TMC1: variants seen among roughly 807,000 people sequenced by gnomAD.
TMC1 encodes transmembrane channel-like protein 1.
Under a neutral mutation model 105.8 loss-of-function variants are expected in TMC1, and 84 were observed. The ratio of observed to expected loss-of-function variants is 0.79; its 90% CI spans 0.67 to 0.95. The LOEUF (loss-of-function observed/expected upper bound fraction) is 0.95. Ranked by LOEUF, TMC1 falls within the 40% of genes least tolerant of loss-of-function variation. The pLI is 0.00. For synonymous variants in TMC1, 315 were observed against 311.5 expected (o/e 1.01, Z -0.12); for missense variants, 817 against 914.1 (o/e 0.89, Z 1.37).
intron 10 of TMC1, among the ~76,000 whole-genome samples, chr9:72,745,400 A>T (rs1214864149): frequency 2.0e-5 from 3 of 152,126 alleles, no homozygotes; most frequent in African/African-American, 7.2e-5. Flanking sequence ...TTCTTTTTAA[A>T]TATGTTTTGC....
chr9:72,617,235 C>T lies in TMC1; in HGVS notation c.-196+758C>T, dbSNP rs141797843. Reference sequence around the variant, plus strand: ...GGAGTGCAGGGGTGCTATCTCGGCTCACTGAAACCTCTGCCTCCTGGGTTT... The same window carrying T: ...GGAGTGCAGGGGTGCTATCTCGGCTTACTGAAACCTCTGCCTCCTGGGTTT... On this transcript the variant is annotated intron_variant, in intron 3 of 23. Transcript: ENST00000297784. Among the ~76,000 whole-genome samples, 889 of 152,124 alleles carry T rather than the reference C, an allele frequency of 5.8e-3. 4 individuals are homozygous for T. Among genetic ancestry groups the T allele is most frequent in the Non-Finnish European group, 9.1e-3 (620 of 67,994 alleles).
At chr9:72,834,356 C>T (rs1389233930) in intron 23 of TMC1, among the ~76,000 whole-genome samples, 2 of 151,992 alleles carry the variant, frequency 1.3e-5, no homozygotes, top group Admixed American at 6.5e-5. Flanking sequence ...TTGGTAATTC[C>T]CCTGCTTTGT....
intron 19 of TMC1, 92 bp downstream of exon 19, chr9:72,816,302 A>G (rs762559954): frequency 4.0e-6 from 5 of 1,243,450 alleles, no homozygotes; most frequent in Non-Finnish European, 5.9e-6. Context: ...AGAGGAGAAT[A>G]CAATCGGTGT....
In TMC1 at chr9:72,694,630, A is replaced by G. The variant is rs1292549270; in HGVS notation, c.152A>G (p.Glu51Gly). 6.2e-7 allele frequency: 1 copy of G among 1,613,110 alleles called. No homozygotes were observed. The highest frequency in any genetic ancestry group is 2.2e-5 in the East Asian group (1 of 44,710). The change falls in exon 7 of 24, where the codon GAG (glutamate) becomes GGG (glycine). Residue 51 changes from glutamate to glycine, a missense_variant. Transcript: ENST00000297784. ...AAACGGACCAGAGATGTTATCAATG[A>G]GGATGACCCAGAACCTGAACCAGAG... ...KRKRTRDVIN[E>G]DDPEPEPEDE... is the part of the protein sequence containing the mutation.
chr9:72,562,118 C>T (rs961330250), intron 1 of TMC1, among the ~76,000 whole-genome samples: 5 of 152,298 alleles, frequency 3.3e-5, no homozygotes, highest in South Asian at 2.1e-4. Context: ...TTTAAACATA[C>T]GTAGTTACCA....
At chr9:72,714,836 G>T (rs2117923023) in intron 8 of TMC1, among the ~76,000 whole-genome samples, 1 of 152,318 alleles carries the variant, frequency 6.6e-6, no homozygotes, top group East Asian at 1.9e-4. Context: ...TTGCTCATTA[G>T]TTGATGCGAT....
At chr9:72,661,691 A>G (rs1825971952) in intron 5 of TMC1, among the ~76,000 whole-genome samples, 1 of 152,206 alleles carries the variant, frequency 6.6e-6, no homozygotes, top group African/African-American at 2.4e-5. Context: ...TTTCTAGACT[A>G]AATATTGAAA....
At chr9:72,703,193 CT>C (rs1826675353) in intron 8 of TMC1, among the ~76,000 whole-genome samples, 2 of 151,902 alleles carry the variant, frequency 1.3e-5, no homozygotes, top group Admixed American at 1.3e-4. Context: ...GTGGTGCTAT[CT>C]TAGCTCACTG....
chr9:72,664,021 C>T (rs755571065), intron 5 of TMC1, among the ~76,000 whole-genome samples: 30 of 152,138 alleles, frequency 2.0e-4, no homozygotes, highest in Non-Finnish European at 3.2e-4. Flanking sequence ...GACAATAACA[C>T]GAAGCTCTCG....
intron 14 of TMC1, among the ~76,000 whole-genome samples, chr9:72,788,803 T>G (rs1025553908): frequency 3.3e-5 from 5 of 152,172 alleles, no homozygotes; most frequent in Admixed American, 6.5e-5. Context: ...TTTACAGGAA[T>G]AAGCATAATA....
intron 1 of TMC1, among the ~76,000 whole-genome samples, chr9:72,527,318 C>T (rs1823422739): frequency 6.6e-6 from 1 of 152,100 alleles, no homozygotes. Flanking sequence ...TCCTTATGAC[C>T]CGGTACATTA....
chr9:72,784,223 A>G (rs1280057562), intron 13 of TMC1, among the ~76,000 whole-genome samples: 2 of 152,198 alleles, frequency 1.3e-5, no homozygotes, highest in African/African-American at 2.4e-5. Context: ...ACCAGCAAAA[A>G]CAAAACAAAA....
chr9:72,541,724 G>T (rs1440766886), intron 1 of TMC1, among the ~76,000 whole-genome samples: 2 of 151,906 alleles, frequency 1.3e-5, no homozygotes, highest in African/African-American at 4.8e-5. Context: ...TTTCCAGGGT[G>T]GTCTTGGGGG....
chr9:72,762,508 A>G (rs927436817), intron 12 of TMC1, among the ~76,000 whole-genome samples: 1 of 152,118 alleles, frequency 6.6e-6, no homozygotes, highest in Non-Finnish European at 1.5e-5. Flanking sequence ...TGTTTCCCAC[A>G]TCCATCGTCT....
intron 1 of TMC1, among the ~76,000 whole-genome samples, chr9:72,575,238 A>G (rs1311200402): frequency 6.6e-6 from 1 of 152,042 alleles, no homozygotes; most frequent in East Asian, 1.9e-4. Flanking sequence ...CTGGAGTGCA[A>G]TGCGTGATCT....
At chr9:72,758,691 A>C (rs1173935938) in intron 12 of TMC1, among the ~76,000 whole-genome samples, 2 of 152,210 alleles carry the variant, frequency 1.3e-5, no homozygotes, top group African/African-American at 4.8e-5. Context: ...AGTACAAGGA[A>C]GGAAAAATAA....
At chr9:72,632,787 C>T (rs1208045459) in intron 4 of TMC1, among the ~76,000 whole-genome samples, 1 of 152,056 alleles carries the variant, frequency 6.6e-6, no homozygotes, top group Non-Finnish European at 1.5e-5. Context: ...AATAAGTACT[C>T]AGGCAGTAGT....
intron 8 of TMC1, among the ~76,000 whole-genome samples, chr9:72,721,263 A>T (rs1827019899): frequency 6.6e-6 from 1 of 152,226 alleles, no homozygotes; most frequent in Non-Finnish European, 1.5e-5. Context: ...GACAAGATGT[A>T]AATTCTCCTT....
intron 1 of TMC1, among the ~76,000 whole-genome samples, chr9:72,541,720 G>C (rs1264196465): frequency 1.3e-5 from 2 of 151,688 alleles, no homozygotes; most frequent in Non-Finnish European, 2.9e-5. Flanking sequence ...AAGCTTTCCA[G>C]GGTGGTCTTG....
Sources: gnomAD v4.1 joint callset for allele counts (sites outside exome capture counted in the v4.1 genomes callset) on GRCh38, gnomAD v4.1.1 for gene constraint, MANE v1.5 for transcripts, NCBI Gene and HGNC (gene_info 2026-07-23, HGNC 2026-07-21) for gene names.